Variants in PDIA6 observed in about 807,000 individuals in gnomAD.
PDIA6 encodes the protein protein disulfide-isomerase A6.
Under a neutral mutation model 58.4 loss-of-function variants are expected in PDIA6, and 29 were observed. The observed-to-expected ratio is 0.50, with a 90% confidence interval of 0.37 to 0.68. The LOEUF (loss-of-function observed/expected upper bound fraction) is 0.68. PDIA6 is among the 30% of genes least tolerant of loss of function. The pLI, the probability that PDIA6 is intolerant of heterozygous loss-of-function variation, is 0.00. For missense variants in PDIA6, 480 were observed against 551.0 expected (o/e 0.87, Z 1.29); for synonymous variants, 192 against 202.6 (o/e 0.95, Z 0.44).
chr2:10,834,870 G>T (rs1224362868), upstream of PDIA6, among the ~76,000 whole-genome samples: 3 of 151,910 alleles, frequency 2.0e-5, no homozygotes, highest in Non-Finnish European at 4.4e-5. Flanking sequence ...AAGTTCAAGA[G>T]ATTCTCTTGC....
At chr2:10,789,088 T>C in intron 8 of PDIA6, 107 bp from the exon 9 acceptor site, 2 of 795,790 alleles carry the variant, frequency 2.5e-6, no homozygotes, top group Non-Finnish European at 4.4e-6. Context: ...TGAAAACATT[T>C]CTCCCACGAC....
chr2:10,791,806 T>A lies in PDIA6; in HGVS notation c.573A>T (p.Gly191=), dbSNP rs772731299. The change falls in exon 6 of 13, where the codon GGA becomes GGT. Residue 191 remains glycine (G), a synonymous_variant. Transcript: ENST00000272227. ...TAGAAGGCACTTACTTTTTGCAGTG[T>A]CCACACCAAGGAGCATAGAACTCAA... ...WMVEFYAPWC[G]HCKNLEPEWA... 19 of 1,613,648 alleles carry A rather than the reference T, an allele frequency of 1.2e-5. 1 individual carries two copies. In the Admixed American group the frequency reaches 3.2e-4, roughly 27 times the overall value.
upstream of PDIA6, among the ~76,000 whole-genome samples, chr2:10,813,630 T>TA (rs1667100226): frequency 6.8e-6 from 1 of 147,102 alleles, no homozygotes; most frequent in Non-Finnish European, 1.5e-5. Flanking sequence ...CCGGCAAAAG[T>TA]AAAAATTTTT....
upstream of PDIA6, among the ~76,000 whole-genome samples, chr2:10,816,022 T>C (rs1426477324): frequency 6.6e-6 from 1 of 152,132 alleles, no homozygotes; most frequent in East Asian, 1.9e-4. Flanking sequence ...TATTCAACTT[T>C]CTTTCTTTAT....
At chr2:10,806,628 C>CAAAA (rs142782761) in intron 1 of PDIA6, among the ~76,000 whole-genome samples, 27 of 70,404 alleles carry the variant, frequency 3.8e-4, no homozygotes, top group South Asian at 1.0e-3. Context: ...AAAATAAAGA[C>CAAAA]AGAAAGAAAG....
At chr2:10,837,463 G>A, upstream of PDIA6, 1 of 680,332 alleles carries the variant, frequency 1.5e-6, no homozygotes, top group Non-Finnish European at 2.7e-6. Context: ...ATGAAGCCAG[G>A]GAGAGGTTGG....
chr2:10,825,697 T>C (rs533715738), intron 1 of PDIA6, among the ~76,000 whole-genome samples: 3 of 152,136 alleles, frequency 2.0e-5, no homozygotes, highest in Non-Finnish European at 4.4e-5. Flanking sequence ...AAGGAAGACA[T>C]AGAAACGGCC....
At position 10,789,980 on chromosome 2, in the gene PDIA6, ATTT is replaced by A. The variant is rs199881762; in HGVS notation, c.700-94_700-92del. 197,447 of 820,030 alleles carry A rather than the reference ATTT, an allele frequency of 0.24. 9,353 individuals are homozygous for A. Among genetic ancestry groups the A allele is most frequent in the Admixed American group, 0.28 (8,713 of 31,654 alleles). The allele number at this position is 820,030 out of a possible 1,614,324, so 50.8% of individuals were successfully genotyped here. On this transcript the variant is annotated intron_variant, in intron 7 of 12. Coordinates refer to ENST00000272227, the MANE Select transcript of PDIA6 (RefSeq NM_005742.4). ...AGTTTCTAAAACCACCTTATAGGTAATTTTTTTTTTTTTTTTTTGAAGCAGTCT... is the reference window on the plus strand; with the variant it reads ...AGTTTCTAAAACCACCTTATAGGTAATTTTTTTTTTTTTTTGAAGCAGTCT...
At chr2:10,811,721 CAAGGACAGGACCCTCGGCCTCGCCCACT>C (rs1403352730) in intron 1 of PDIA6, among the ~76,000 whole-genome samples, 2 of 152,208 alleles carry the variant, frequency 1.3e-5, no homozygotes, top group Non-Finnish European at 2.9e-5. Flanking sequence ...GCGAGCCCGG[CAAGGACAGGACCCTCGGCCTCGCCCACT>C]AAGAAGCAGA....
At chr2:10,796,880 T>C (rs962874869) in intron 4 of PDIA6, among the ~76,000 whole-genome samples, 5 of 152,222 alleles carry the variant, frequency 3.3e-5, no homozygotes, top group African/African-American at 1.2e-4. Context: ...AAGCAAGCGT[T>C]AAGTGATGAG....
At chr2:10,814,912 G>A (rs554539777), upstream of PDIA6, among the ~76,000 whole-genome samples, 1 of 152,340 alleles carries the variant, frequency 6.6e-6, no homozygotes, top group Admixed American at 6.5e-5. Context: ...TTTGTGTGCT[G>A]TGTGGTCTCT....
intron 1 of PDIA6, among the ~76,000 whole-genome samples, chr2:10,824,378 G>T (rs906322360): frequency 2.0e-5 from 3 of 152,338 alleles, no homozygotes; most frequent in Middle Eastern, 6.8e-3. Flanking sequence ...CCTCCCCATT[G>T]TGTAGCAACC....
chr2:10,833,113 C>A (rs1023232203), upstream of PDIA6, among the ~76,000 whole-genome samples: 5 of 152,122 alleles, frequency 3.3e-5, no homozygotes, highest in African/African-American at 1.2e-4. Flanking sequence ...CATCCCCTCC[C>A]CTGCCTGGAC....
chr2:10,835,006 G>T (rs1667799316), upstream of PDIA6, among the ~76,000 whole-genome samples: 1 of 152,024 alleles, frequency 6.6e-6, no homozygotes, highest in Admixed American at 6.6e-5. Flanking sequence ...GATCTCAAGC[G>T]ATCCACCTGC....
At chr2:10,787,164 G>T in intron 11 of PDIA6, 117 bp downstream of exon 11, 1 of 858,228 alleles carries the variant, frequency 1.2e-6, no homozygotes, top group Non-Finnish European at 1.9e-6. Context: ...TCTGGAATTA[G>T]TTTGCATTTT....
intron 9 of PDIA6, 44 bp downstream of exon 9, chr2:10,788,853 T>A (rs1219845482): frequency 1.9e-6 from 3 of 1,559,162 alleles, no homozygotes; most frequent in Non-Finnish European, 2.7e-6. Context: ...TCTCAGAGCA[T>A]CTAGCATAGA....
At chr2:10,813,978 G>T (rs1370862989), upstream of PDIA6, among the ~76,000 whole-genome samples, 1 of 152,068 alleles carries the variant, frequency 6.6e-6, no homozygotes, top group Non-Finnish European at 1.5e-5. Context: ...GCCTGCTTCG[G>T]CCTCCCAAAA....
intron 3 of PDIA6, 35 bp downstream of exon 3, chr2:10,797,664 AG>A: frequency 6.6e-7 from 1 of 1,516,008 alleles, no homozygotes. Flanking sequence ...TGTAAAAAAA[AG>A]TTTTGTAAGC....
At chr2:10,818,497 T>C (rs1192666215) in intron 2 of PDIA6, among the ~76,000 whole-genome samples, 1 of 122,000 alleles carries the variant, frequency 8.2e-6, no homozygotes, top group Non-Finnish European at 1.8e-5. Context: ...TTTATTTATT[T>C]ATTTATTTAT....
Sources: gnomAD v4.1 joint callset for allele counts (sites outside exome capture counted in the v4.1 genomes callset) on GRCh38, gnomAD v4.1.1 for gene constraint, MANE v1.5 for transcripts, NCBI Gene and HGNC (gene_info 2026-07-23, HGNC 2026-07-21) for gene names.